The following PRUNE2 variants were observed in gnomAD, a reference collection of about 807,000 sequenced individuals.
PRUNE2 encodes protein prune homolog 2.
In PRUNE2, 164 loss-of-function variants were observed where a neutral mutation model predicts 252.0. That is an observed-to-expected ratio of 0.65 (90% CI 0.57 to 0.74). The LOEUF (loss-of-function observed/expected upper bound fraction) is 0.74. Among genes scored for constraint, PRUNE2 ranks in the 30% least tolerant of loss-of-function variants. PRUNE2 has a pLI of 0.00. For missense variants in PRUNE2, 3,495 were observed against 3,711.0 expected (o/e 0.94, Z 1.51); for synonymous variants, 1,292 against 1,350.2 (o/e 0.96, Z 0.94).
Position 76,619,253 on chromosome 9 carries a change from A to G in PRUNE2, c.9236+87T>C. 4 of 862,946 alleles carry G rather than the reference A, an allele frequency of 4.6e-6. No homozygotes were observed. In the Admixed American group the frequency reaches 6.0e-5, roughly 13 times the overall value. The allele number at this position is 862,946 out of a possible 1,614,324, so 53.5% of individuals were successfully genotyped here. ...AAAGCTGAACATCTAAACAGGGTTT[A>G]CCCAGTCCTCAGTGTGTTTTCTTTC... is the stretch of plus-strand genomic sequence containing the variant. On this transcript the variant is annotated intron_variant, in intron 18 of 18. Coordinates refer to ENST00000376718, the MANE Select transcript of PRUNE2 (RefSeq NM_015225.3).
chr9:76,671,658 T>G (rs1201299237), intron 9 of PRUNE2, among the ~76,000 whole-genome samples: 2 of 151,936 alleles, frequency 1.3e-5, no homozygotes, highest in African/African-American at 2.4e-5. Flanking sequence ...GAGAGAAAGG[T>G]CGGGTTACCA....
chr9:76,859,563 C>A (rs2060440417), intron 1 of PRUNE2, among the ~76,000 whole-genome samples: 1 of 152,010 alleles, frequency 6.6e-6, no homozygotes, highest in Non-Finnish European at 1.5e-5. Flanking sequence ...CCAGAAAAAC[C>A]AATGCACCGA....
intron 1 of PRUNE2, among the ~76,000 whole-genome samples, chr9:76,889,694 G>A (rs147554932): frequency 3.9e-5 from 6 of 152,232 alleles, no homozygotes; most frequent in East Asian, 1.9e-4. Flanking sequence ...CACATCAGGC[G>A]TCTCACCACA....
chr9:76,734,316 G>A (rs73650991), intron 6 of PRUNE2, among the ~76,000 whole-genome samples: 7,968 of 152,108 alleles, frequency 0.052, 661 homozygotes, highest in African/African-American at 0.18. Flanking sequence ...GGAGAAGGTG[G>A]TACAAGCACA....
intron 6 of PRUNE2, among the ~76,000 whole-genome samples, chr9:76,746,471 C>T (rs902259084): frequency 5.4e-4 from 82 of 151,174 alleles, no homozygotes; most frequent in African/African-American, 8.5e-4. Flanking sequence ...TTTGGGAGGC[C>T]GAGGCGGGTG....
rs1588722630 is a variant in PRUNE2, at chr9:76,707,775, A to G, written c.4499T>C (p.Val1500Ala). 4.3e-6 allele frequency: 7 copies of G among 1,613,510 alleles called. No homozygotes were observed. The East Asian group carries it at 1.6e-4, about 36-fold the overall frequency. The change falls in exon 8 of 19, where the codon GTG becomes GCG. Residue 1500 changes from valine to alanine, a missense_variant. Physicochemically the swap from Val to Ala is moderately conservative, Grantham distance 64 (BLOSUM62 0). Coordinates refer to ENST00000376718, the MANE Select transcript of PRUNE2 (RefSeq NM_015225.3). ...DFGDVPIDSD[V>A]HVSSTCSEIT... is the part of the protein sequence containing the mutation. The stretch of plus-strand genomic sequence containing the variant: ...CTCAGAACATGTGCTGCTGACATGC[A>G]CATCACTGTCTATAGGGACGTCCCC...
Position 76,638,302 on chromosome 9 carries a change from A to C in PRUNE2, c.8729-14T>G. 6.4e-7 allele frequency: 1 copy of C among 1,568,394 alleles called. No homozygotes were observed. On this transcript the variant is annotated splice_polypyrimidine_tract_variant and intron_variant, in intron 12 of 18. Coordinates refer to ENST00000376718, the MANE Select transcript of PRUNE2 (RefSeq NM_015225.3). ...CCCCATAGTATCCTGGGGGACAAAC[A>C]AAAAGACACTTGTAACCAATTGAAA... is the stretch of plus-strand genomic sequence containing the variant.
At chr9:76,712,913 G>C (rs549846189) in intron 7 of PRUNE2, among the ~76,000 whole-genome samples, 1 of 152,232 alleles carries the variant, frequency 6.6e-6, no homozygotes, top group East Asian at 1.9e-4. Context: ...GCCACCCATG[G>C]ATACATAAGG....
At chr9:76,903,934 A>G (rs1222988547) in intron 1 of PRUNE2, among the ~76,000 whole-genome samples, 1 of 152,232 alleles carries the variant, frequency 6.6e-6, no homozygotes, top group Non-Finnish European at 1.5e-5. Context: ...AGTGAATGAC[A>G]TTGACTTAAT....
chr9:76,683,951 A>T (rs2043787198), intron 9 of PRUNE2, among the ~76,000 whole-genome samples: 2 of 151,040 alleles, frequency 1.3e-5, no homozygotes, highest in African/African-American at 4.9e-5. Flanking sequence ...TACATATTAT[A>T]TATATATACA....
At chr9:76,902,287 G>C (rs1254474573) in intron 1 of PRUNE2, among the ~76,000 whole-genome samples, 7 of 150,258 alleles carry the variant, frequency 4.7e-5, no homozygotes, top group Admixed American at 3.3e-4. Flanking sequence ...ATAGAGCAGG[G>C]AGCCCTCATT....
At chr9:76,773,264 C>A (rs1564268707) in intron 6 of PRUNE2, among the ~76,000 whole-genome samples, 1 of 152,182 alleles carries the variant, frequency 6.6e-6, no homozygotes, top group Non-Finnish European at 1.5e-5. Context: ...GGCCATGTTA[C>A]TTCCAAATCC....
intron 1 of PRUNE2, among the ~76,000 whole-genome samples, chr9:76,887,658 C>T (rs577474566): frequency 1.3e-5 from 2 of 152,246 alleles, no homozygotes; most frequent in East Asian, 3.9e-4. Flanking sequence ...GCTTTAAGAA[C>T]GATTACTGGA....
intron 6 of PRUNE2, among the ~76,000 whole-genome samples, chr9:76,762,048 G>T (rs528498164): frequency 2.0e-5 from 3 of 152,286 alleles, no homozygotes; most frequent in African/African-American, 7.2e-5. Flanking sequence ...TTTCCTAAGT[G>T]TACTTTAGCA....
intron 1 of PRUNE2, among the ~76,000 whole-genome samples, chr9:76,904,124 T>G (rs543212338): frequency 6.6e-6 from 1 of 152,358 alleles, no homozygotes; most frequent in East Asian, 1.9e-4. Context: ...AGGTTAATCA[T>G]GATTTCTAGA....
intron 9 of PRUNE2, among the ~76,000 whole-genome samples, chr9:76,668,735 T>A (rs1175933047): frequency 6.6e-6 from 1 of 151,960 alleles, no homozygotes; most frequent in African/African-American, 2.4e-5. Context: ...ACCGGCTTCA[T>A]TCCACATCTT....
chr9:76,648,593 T>G (rs915866577), intron 11 of PRUNE2, among the ~76,000 whole-genome samples: 1 of 152,138 alleles, frequency 6.6e-6, no homozygotes, highest in African/African-American at 2.4e-5. Flanking sequence ...TCCAACTACA[T>G]GGATTCTGGA....
intron 9 of PRUNE2, among the ~76,000 whole-genome samples, chr9:76,666,104 A>G (rs911863218): frequency 2.6e-5 from 4 of 152,196 alleles, no homozygotes; most frequent in Non-Finnish European, 5.9e-5. Context: ...CCAGAAGACA[A>G]GAGTGTGAGC....
chr9:76,893,438 C>T (rs1165483199), intron 1 of PRUNE2, among the ~76,000 whole-genome samples: 1 of 152,208 alleles, frequency 6.6e-6, no homozygotes, highest in Non-Finnish European at 1.5e-5. Context: ...ACAGCCCTCC[C>T]TGAAGTGATG....
Sources: gnomAD v4.1 joint callset for allele counts (sites outside exome capture counted in the v4.1 genomes callset) on GRCh38, gnomAD v4.1.1 for gene constraint, MANE v1.5 for transcripts, NCBI Gene and HGNC (gene_info 2026-07-23, HGNC 2026-07-21) for gene names.